The following SH3D21 variants were observed in gnomAD, a reference collection of about 807,000 sequenced individuals.
SH3D21 encodes SH3 domain-containing protein 21.
SH3D21 carries 83 observed loss-of-function variants against 82.1 expected under a neutral mutation model. The ratio of observed to expected loss-of-function variants is 1.01; its 90% CI spans 0.85 to 1.21. The LOEUF (loss-of-function observed/expected upper bound fraction) is 1.21, where lower values mean the gene tolerates loss of function less well. Ranked by LOEUF, SH3D21 falls within the 50% of genes most tolerant of loss-of-function variation. The probability of loss-of-function intolerance (pLI) is 0.00; values close to 1 mark genes in which losing one functional copy is unlikely to be tolerated. For missense variants in SH3D21, 980 were observed against 962.1 expected, an observed-to-expected ratio of 1.02 and a Z score of -0.25; for synonymous variants, 383 against 387.8, an observed-to-expected ratio of 0.99 and a Z score of 0.15.
At chr1:36,317,089 A>G (rs530553709) in intron 10 of SH3D21, among the ~76,000 whole-genome samples, 30 of 152,310 alleles carry the variant, frequency 2.0e-4, no homozygotes, top group African/African-American at 6.5e-4. Context: ...AGAGCACCTA[A>G]TCAGCCATAC....
chr1:36,306,968 G>A lies in SH3D21; in HGVS notation c.226+63G>A, dbSNP rs1054459617. 41 of 1,356,524 alleles carry A rather than the reference G, an allele frequency of 3.0e-5. 1 individual carries two copies. The African/African-American group carries it at 3.3e-4, about 11-fold the overall frequency. 84.0% of individuals were successfully genotyped at this position (1,356,524 alleles called of 1,614,324 possible). On this transcript the variant is annotated intron_variant, in intron 3 of 15. Transcript: ENST00000453908. This position sits in a 1 kb window ranked among gnomAD's most constrained non-coding sequence, Gnocchi z 4.5. Reference sequence around the variant, plus strand: ...TGCACGGAGCCAGTGCGACCCCGGCGTCTCCGGCTCTTAGTGACGGGCGCG... The same window carrying A: ...TGCACGGAGCCAGTGCGACCCCGGCATCTCCGGCTCTTAGTGACGGGCGCG...
chr1:36,309,194 A>AT (rs762272484), intron 9 of SH3D21, among the ~76,000 whole-genome samples: 474 of 141,396 alleles, frequency 3.4e-3, no homozygotes, highest in Admixed American at 4.1e-3. Flanking sequence ...AGCATTTTAG[A>AT]TTTTTTTTTT....
At position 36,307,158 on chromosome 1, in the gene SH3D21, C is replaced by T. The variant is rs374695821; in HGVS notation, c.227-9C>T. The T allele has an allele frequency of 6.4e-7, 1 of 1,551,428 alleles. No homozygotes were observed. The highest frequency in any genetic ancestry group is 8.7e-7 in the Non-Finnish European group (1 of 1,146,854). The stretch of plus-strand genomic sequence containing the variant: ...CGACTGGAGCTCAGCCGCGCTTGTC[C>T]GGTGCTAGGTCATCCTGCCAAACAC... On this transcript the variant is annotated splice_polypyrimidine_tract_variant and intron_variant, in intron 3 of 15. Transcript: ENST00000453908. The surrounding 1 kb of genome is among the most constrained non-coding windows in gnomAD (Gnocchi z 5.4).
At position 36,319,780 on chromosome 1, in the gene SH3D21, AG is replaced by A; in HGVS notation, c.1118del (p.Ser373ThrfsTer20). ...GCCCCCAGCTCCAGAGAACGCCCCC[AG>A]CTCCAAGAAGATCCCGGCTCCTGAC... is the stretch of plus-strand genomic sequence containing the variant. ...ERPPAPENAP[S>X]SKKIPAPDKV... is the part of the protein sequence containing the mutation. On this transcript the variant is annotated frameshift_variant, in exon 14 of 16. Transcript: ENST00000453908. LOFTEE classifies it high-confidence loss of function. The A allele has an allele frequency of 6.2e-7, 1 of 1,612,770 alleles. No homozygotes were observed. Among genetic ancestry groups the A allele is most frequent in the Non-Finnish European group, 8.5e-7 (1 of 1,179,574 alleles).
chr1:36,317,623 C>T (rs1310122381), intron 10 of SH3D21, among the ~76,000 whole-genome samples: 4 of 152,074 alleles, frequency 2.6e-5, no homozygotes, highest in African/African-American at 4.8e-5. Flanking sequence ...AGTCCAGTGG[C>T]GCGATCTTGG....
downstream of SH3D21, chr1:36,322,630 G>A (rs547818675): frequency 7.1e-6 from 11 of 1,545,664 alleles, no homozygotes; most frequent in African/African-American, 1.5e-4. Context: ...CGCGGGCGGG[G>A]CGCCCACGAG....
Position 36,308,205 on chromosome 1 carries a change from G to A in SH3D21, c.635G>A (p.Ser212Asn). 6.5e-7 allele frequency: 1 copy of A among 1,538,514 alleles called. No homozygotes were observed. Among genetic ancestry groups the A allele is most frequent in the Non-Finnish European group, 8.8e-7 (1 of 1,140,266 alleles). ...LRRGDVVKVL[S>N]KTTEDKGWWE... ...AGGGGGGACGTGGTAAAAGTACTCA[G>A]CAAGGTGTGAGACGAACAGGGTGGG... The change falls in exon 8 of 16, where the codon AGC becomes AAC. Residue 212 changes from serine (S) to asparagine (N), a missense_variant. Transcript: ENST00000453908.
chr1:36,319,797 G>A lies in SH3D21; in HGVS notation c.1134G>A (p.Pro378=), dbSNP rs557884252. 7.0e-5 allele frequency: 113 copies of A among 1,613,466 alleles called. 1 individual carries two copies. The highest frequency in any genetic ancestry group is 2.7e-4 in the Admixed American group (16 of 59,948). ...ACGCCCCCAGCTCCAAGAAGATCCC[G>A]GCTCCTGACAAAGTCCCCTCCCCAG... is the stretch of plus-strand genomic sequence containing the variant. ...PENAPSSKKI[P]APDKVPSPEK... is the part of the protein sequence containing the mutation. Residue 378 remains proline, a synonymous_variant, in exon 14 of 16, where the codon CCG becomes CCA. Coordinates refer to ENST00000453908, the MANE Select transcript of SH3D21 (RefSeq NM_001162530.2).
downstream of SH3D21, chr1:36,323,072 G>A (rs565445600): frequency 8.8e-6 from 14 of 1,593,026 alleles, no homozygotes; most frequent in South Asian, 1.2e-4. Context: ...ACCAGCCTGC[G>A]AGGTCAGCAA....
chr1:36,321,758 C>T, downstream of SH3D21: 1 of 1,002,044 alleles, frequency 1.0e-6, no homozygotes, highest in African/African-American at 1.7e-5. The surrounding 1 kb of genome is among the most constrained non-coding windows in gnomAD (Gnocchi z 6.1). Flanking sequence ...GACAGGGCGA[C>T]GTGTGTCCAG....
chr1:36,326,636 G>T (rs918349617), downstream of SH3D21, among the ~76,000 whole-genome samples: 3 of 152,218 alleles, frequency 2.0e-5, no homozygotes, highest in African/African-American at 7.2e-5. Context: ...TGGTGGCTCA[G>T]TGTAGGGTGG....
intron 10 of SH3D21, among the ~76,000 whole-genome samples, chr1:36,313,553 G>A (rs373313267): frequency 1.3e-5 from 2 of 151,978 alleles, no homozygotes; most frequent in Admixed American, 6.6e-5. Context: ...CTAATTATTT[G>A]CATAAAGTTG....
chr1:36,309,490 T>C (rs1443554623), intron 9 of SH3D21, 58 bp from the exon 10 acceptor site: 7 of 1,544,392 alleles, frequency 4.5e-6, no homozygotes, highest in Non-Finnish European at 5.3e-6. Flanking sequence ...CTGGCCTGCA[T>C]TTTGGATTTC....
At chr1:36,328,026 C>T (rs1307592137), downstream of SH3D21, 3 of 502,350 alleles carry the variant, frequency 6.0e-6, no homozygotes, top group Non-Finnish European at 1.1e-5. Context: ...TACCTCCTCG[C>T]TGCCTATCTG....
intron 10 of SH3D21, among the ~76,000 whole-genome samples, chr1:36,315,154 T>C (rs1238415541): frequency 6.6e-6 from 1 of 151,884 alleles, no homozygotes; most frequent in African/African-American, 2.4e-5. Context: ...CGGGCACCTG[T>C]CATCCCAACT....
chr1:36,309,435 G>T, intron 9 of SH3D21, 113 bp from the exon 10 acceptor site: 2 of 1,222,084 alleles, frequency 1.6e-6, no homozygotes, highest in South Asian at 1.5e-5. Flanking sequence ...GTCCTCAAGT[G>T]ATCCACTCCC....
At chr1:36,322,985 T>C, downstream of SH3D21, 3 of 1,605,902 alleles carry the variant, frequency 1.9e-6, no homozygotes, top group Non-Finnish European at 2.5e-6. Flanking sequence ...GATGTGCGCG[T>C]AGGCAGCCAG....
At position 36,320,488 on chromosome 1, in the gene SH3D21, C is replaced by T. The variant is rs1296239540; in HGVS notation, c.1825C>T (p.Gln609Ter). The T allele has an allele frequency of 1.2e-6, 2 of 1,614,064 alleles. No individual in the cohort carries two copies. The highest frequency in any genetic ancestry group is 1.3e-5 in the African/African-American group (1 of 75,016). ...TGAAGAGGAGGCGCCCCCCAACGAG[C>T]AGAGGCCTCTGAGAGAGGAGGTGCT... is the stretch of plus-strand genomic sequence containing the variant. The part of the protein sequence containing the change: ...TPEEEAPPNE[Q>*]RPLREEVLPK... Residue 609 changes from glutamine to a stop codon, truncating the protein, a stop_gained, in exon 14 of 16, where the codon CAG becomes TAG. Transcript: ENST00000453908. LOFTEE classifies it high-confidence loss of function.
In SH3D21 at chr1:36,308,180, A is replaced by T. The variant is rs1646168099; in HGVS notation, c.610A>T (p.Arg204Trp). The T allele has an allele frequency of 2.6e-6, 4 of 1,544,632 alleles. No individual in the cohort carries two copies. Among genetic ancestry groups the T allele is most frequent in the Non-Finnish European group, 3.5e-6 (4 of 1,143,508 alleles). The change falls in exon 8 of 16, where the codon AGG becomes TGG. Residue 204 changes from arginine to tryptophan, a missense_variant. Coordinates refer to ENST00000453908, the MANE Select transcript of SH3D21 (RefSeq NM_001162530.2). ...GGCCCCAGACGAGTTGGCGCTGCGG[A>T]GGGGGGACGTGGTAAAAGTACTCAG... ...PEAPDELALR[R>W]GDVVKVLSKT... is the part of the protein sequence containing the mutation.
Sources: allele counts gnomAD v4.1 joint callset (sites outside exome capture counted in the v4.1 genomes callset), GRCh38; gene constraint gnomAD v4.1.1; non-coding constraint Gnocchi (gnomAD v3.1); transcripts MANE v1.5; gene names NCBI Gene and HGNC (gene_info 2026-07-23, HGNC 2026-07-21).